Variants in BRF2 observed in about 807,000 individuals in gnomAD.
BRF2 encodes BRF2 general transcription factor IIIB subunit.
BRF2 carries 17 observed loss-of-function variants against 26.6 expected under a neutral mutation model. The observed-to-expected ratio is 0.64, with a 90% CI of 0.44 to 0.96. The LOEUF (loss-of-function observed/expected upper bound fraction) is 0.96, where lower values mean the gene tolerates loss of function less well. Ranked by LOEUF, BRF2 falls within the 40% of genes least tolerant of loss-of-function variation. The pLI is 0.00. For missense variants in BRF2, 515 were observed against 537.0 expected, an observed-to-expected ratio of 0.96 and a Z score of 0.40; for synonymous variants, 219 against 226.6, an observed-to-expected ratio of 0.97 and a Z score of 0.30.
intron 3 of BRF2, among the ~76,000 whole-genome samples, chr8:37,845,929 A>G (rs1392408345): frequency 6.6e-6 from 1 of 152,174 alleles, no homozygotes; most frequent in African/African-American, 2.4e-5. Flanking sequence ...GCACAGCACA[A>G]CTCTAGGAAC....
chr8:37,849,389 T>C (rs1238035772), intron 1 of BRF2, among the ~76,000 whole-genome samples: 3 of 152,228 alleles, frequency 2.0e-5, no homozygotes, highest in African/African-American at 4.8e-5. Context: ...AGTGGAACTT[T>C]TGTTTCTGTC....
rs1585415595 is a variant in BRF2 at position 37,845,192 on chromosome 8, T to G, written c.558A>C (p.Ser186=). 6.2e-7 allele frequency: 1 copy of G among 1,611,640 alleles called. No homozygotes were observed. Residue 186 remains serine (S), a synonymous_variant, in exon 4 of 4, where the codon TCA becomes TCC. Transcript: ENST00000220659. ...CCACGTATTTGGCTGGCACAGAAGGTGAAGCTTGGAACAGTTTGAAGCTGA... is the reference window on the plus strand; with the variant it reads ...CCACGTATTTGGCTGGCACAGAAGGGGAAGCTTGGAACAGTTTGAAGCTGA... The part of the protein sequence containing the change: ...YCSSFKLFQA[S]PSVPAKYVED...
At position 37,844,390 on chromosome 8, in the gene BRF2, A is replaced by G; in HGVS notation, c.*100T>C. The stretch of plus-strand genomic sequence containing the variant: ...CCCCTCTTGGTTCCTTCAAACAAGA[A>G]AAGCAATACCTACGGACTGGTGTAC... On this transcript the variant is annotated 3_prime_UTR_variant, in exon 4 of 4. Coordinates refer to ENST00000220659, the MANE Select transcript of BRF2 (RefSeq NM_018310.4). 4.0e-6 allele frequency: 6 copies of G among 1,491,438 alleles called. No individual in the cohort carries two copies. Among genetic ancestry groups the G allele is most frequent in the Non-Finnish European group, 5.4e-6 (6 of 1,103,808 alleles). 92.4% of individuals were successfully genotyped at this position (1,491,438 alleles called of 1,614,324 possible). A position where few individuals can be genotyped will look rare whatever the true frequency, so the allele number is the denominator to read the frequency against.
intron 3 of BRF2, 46 bp downstream of exon 3, chr8:37,846,808 A>G (rs768533584): frequency 1.0e-5 from 14 of 1,373,502 alleles, no homozygotes; most frequent in Non-Finnish European, 1.4e-5. Context: ...ATTCAGGTCT[A>G]AGGACCCATC....
At chr8:37,849,110 G>C (rs781376738) in intron 1 of BRF2, among the ~76,000 whole-genome samples, 6 of 152,070 alleles carry the variant, frequency 3.9e-5, no homozygotes, top group Admixed American at 1.3e-4. Flanking sequence ...ATTTTTTTAG[G>C]CACTTGTCTC....
At chr8:37,849,569 G>A (rs2130096686) in intron 1 of BRF2, 61 bp downstream of exon 1, 31 of 1,381,866 alleles carry the variant, frequency 2.2e-5, no homozygotes, top group Middle Eastern at 1.8e-4. Flanking sequence ...GAGCGGGGAG[G>A]CAAAAGGAAT....
Position 37,846,871 on chromosome 8 carries a change from C to T in BRF2, c.519G>A (p.Val173=), listed in dbSNP as rs1195314154. 6.2e-7 allele frequency: 1 copy of T among 1,613,628 alleles called. No individual in the cohort carries two copies. The highest frequency in any genetic ancestry group is 8.5e-7 in the Non-Finnish European group (1 of 1,179,624). ...GGACGTACCTGCTGCAATAGGTCTT[C>T]ACCAGTTCTGCCAAGCACAGAGATG... ...DVPSLCLAEL[V]KTYCSSFKLF... is the part of the protein sequence containing the mutation. Residue 173 remains valine, a synonymous_variant, in exon 3 of 4, where the codon GTG becomes GTA. Coordinates refer to ENST00000220659, the MANE Select transcript of BRF2 (RefSeq NM_018310.4).
rs1563358088 is a variant in BRF2, at chr8:37,844,915, G to C, written c.835C>G (p.Gln279Glu). The stretch of plus-strand genomic sequence containing the variant: ...CTCAGAACTCGTAACCAGGCCAGCT[G>C]CTCAGCCATCCGCAGCAGCACAGCC... Reference protein sequence around the residue: ...LLAVLLRMAEQLAWLRVLRLD... With the variant: ...LLAVLLRMAEELAWLRVLRLD... The change falls in exon 4 of 4, where the codon CAG becomes GAG. Residue 279 changes from glutamine to glutamate, a missense_variant. Transcript: ENST00000220659. 1 of 1,614,148 alleles carries C rather than the reference G, an allele frequency of 6.2e-7. No individual in the cohort carries two copies. The highest frequency in any genetic ancestry group is 8.5e-7 in the Non-Finnish European group (1 of 1,180,042).
Position 37,845,128 on chromosome 8 carries a change from C to T in BRF2, c.622G>A (p.Val208Met). The T allele has an allele frequency of 6.2e-7, 1 of 1,613,820 alleles. No individual in the cohort carries two copies. The highest frequency in any genetic ancestry group is 8.5e-7 in the Non-Finnish European group (1 of 1,179,978). The change falls in exon 4 of 4, where the codon GTG (valine) becomes ATG (methionine). Residue 208 changes from valine (V) to methionine (M), a missense_variant. Val to Met is a conservative substitution (Grantham distance 21). Coordinates refer to ENST00000220659, the MANE Select transcript of BRF2 (RefSeq NM_018310.4). ...EKMLSRTMQL[V>M]ELANETWLVT... ...AGCCACGTCTCATTTGCCAGCTCCA[C>T]CAACTGCATTGTTCGAGACAGCATC...
At chr8:37,848,728 A>C in intron 1 of BRF2, 73 bp from the exon 2 acceptor site, 1 of 1,227,328 alleles carries the variant, frequency 8.1e-7, no homozygotes, top group Non-Finnish European at 1.2e-6. Context: ...ACCACACAAA[A>C]CCAGGACGCA....
rs768891406 is a variant in BRF2 at position 37,843,970 on chromosome 8, G to A, written c.*520C>T. 26 of 153,874 alleles carry A rather than the reference G, an allele frequency of 1.7e-4. No homozygotes were observed. Among genetic ancestry groups the A allele is most frequent in the Non-Finnish European group, 3.5e-4 (24 of 68,964 alleles). 9.5% of individuals were successfully genotyped at this position (153,874 alleles called of 1,614,324 possible). On this transcript the variant is annotated 3_prime_UTR_variant, in exon 4 of 4. Transcript: ENST00000220659. The stretch of plus-strand genomic sequence containing the variant: ...ATTAAAATTTTGCAAAGCCCTTTGA[G>A]CTACTGCCTTAGTCTACCCACTGTC...
intron 1 of BRF2, among the ~76,000 whole-genome samples, chr8:37,849,416 T>A (rs188958179): frequency 6.6e-6 from 1 of 152,336 alleles, no homozygotes; most frequent in Non-Finnish European, 1.5e-5. Flanking sequence ...ATTCAATATT[T>A]ATTACACGCA....
At chr8:37,849,382 G>C (rs1806022708) in intron 1 of BRF2, among the ~76,000 whole-genome samples, 1 of 152,206 alleles carries the variant, frequency 6.6e-6, no homozygotes, top group South Asian at 2.1e-4. Context: ...CAAGATGAGT[G>C]GAACTTTTGT....
intron 1 of BRF2, among the ~76,000 whole-genome samples, chr8:37,849,025 CA>C (rs1377802964): frequency 1.3e-5 from 2 of 152,208 alleles, no homozygotes; most frequent in East Asian, 3.9e-4. Flanking sequence ...CAGGCTCAAG[CA>C]ATCCTCCTAC....
rs1432940644 is a variant in BRF2, at chr8:37,844,831, G to C, written c.919C>G (p.Leu307Val). 2.5e-6 allele frequency: 4 copies of C among 1,614,080 alleles called. No individual in the cohort carries two copies. Among genetic ancestry groups the C allele is most frequent in the Non-Finnish European group, 3.4e-6 (4 of 1,180,058 alleles). Residue 307 changes from leucine (L) to valine (V), a missense_variant, in exon 4 of 4, where the codon CTG (leucine) becomes GTG (valine). Physicochemically the swap from Leu to Val is conservative, Grantham distance 32. Transcript: ENST00000220659. ...CCATCCCGAAAGGCAGAGCGGACCA[G>C]TGACTGGCGGTGCTGGAGAAGGTCA... is the stretch of plus-strand genomic sequence containing the variant. ...IGDLLQHRQS[L>V]VRSAFRDGTA...
At chr8:37,847,217 C>T (rs1306343678) in intron 2 of BRF2, 42 bp from the exon 3 acceptor site, 1 of 1,578,782 alleles carries the variant, frequency 6.3e-7, no homozygotes, top group Non-Finnish European at 8.7e-7. Flanking sequence ...GTCAAAGGAG[C>T]TATCGTGCAA....
At chr8:37,845,328 G>T in intron 3 of BRF2, 115 bp from the exon 4 acceptor site, 1 of 797,436 alleles carries the variant, frequency 1.3e-6, no homozygotes. Flanking sequence ...GAATACTCAA[G>T]CTCACTGGGC....
intron 2 of BRF2, 46 bp from the exon 3 acceptor site, chr8:37,847,221 C>T (rs773710364): frequency 3.9e-6 from 6 of 1,557,798 alleles, no homozygotes; most frequent in African/African-American, 2.7e-5. Context: ...AAGGAGCTAT[C>T]GTGCAACTCC....
Position 37,844,146 on chromosome 8 carries a change from C to A in BRF2, c.*344G>T. 3.8e-6 allele frequency: 1 copy of A among 261,276 alleles called. No homozygotes were observed. The highest frequency in any genetic ancestry group is 7.4e-6 in the Non-Finnish European group (1 of 134,256). The allele number at this position is 261,276 out of a possible 1,614,324, so 16.2% of individuals were successfully genotyped here. ...AACCACTCCACAAGCAGAGGGAAGCCCCCTCAGGCCTGCAGGAGGAGCCGC... is the reference window on the plus strand; with the variant it reads ...AACCACTCCACAAGCAGAGGGAAGCACCCTCAGGCCTGCAGGAGGAGCCGC... On this transcript the variant is annotated 3_prime_UTR_variant, in exon 4 of 4. Coordinates refer to ENST00000220659, the MANE Select transcript of BRF2 (RefSeq NM_018310.4).
Sources: allele counts gnomAD v4.1 joint callset (sites outside exome capture counted in the v4.1 genomes callset), GRCh38; gene constraint gnomAD v4.1.1; transcripts MANE v1.5; gene names NCBI Gene and HGNC (gene_info 2026-07-23, HGNC 2026-07-21).